RIPOR2: variants seen among roughly 807,000 people sequenced by gnomAD.
The protein encoded by RIPOR2 is rho family-interacting cell polarization regulator 2.
In RIPOR2, 39 loss-of-function variants were observed where a neutral mutation model predicts 114.5. The observed-to-expected ratio is 0.34, with a 90% confidence interval of 0.26 to 0.44. The LOEUF is 0.44. Among genes scored for constraint, RIPOR2 ranks in the 20% least tolerant of loss-of-function variants. RIPOR2 has a pLI of 1.00. For missense variants in RIPOR2, 1,007 were observed against 1,255.1 expected, an observed-to-expected ratio of 0.80 and a Z score of 2.99; for synonymous variants, 445 against 484.4, an observed-to-expected ratio of 0.92 and a Z score of 1.07.
chr6:24,975,190 C>A (rs897790705), intron 1 of RIPOR2, among the ~76,000 whole-genome samples: 1 of 152,176 alleles, frequency 6.6e-6, no homozygotes, highest in Non-Finnish European at 1.5e-5. Context: ...TGAATCTCTA[C>A]TTATCTTCAT....
At chr6:24,911,432 T>G (rs1769586353) in intron 1 of RIPOR2, among the ~76,000 whole-genome samples, 1 of 151,692 alleles carries the variant, frequency 6.6e-6, no homozygotes, top group African/African-American at 2.4e-5. Flanking sequence ...GGATCTTTCA[T>G]ACAAGCTGGG....
chr6:24,904,861 G>A (rs538578040), intron 1 of RIPOR2, among the ~76,000 whole-genome samples: 7 of 152,212 alleles, frequency 4.6e-5, no homozygotes, highest in African/African-American at 1.4e-4. Context: ...TGCAACCTCC[G>A]CCTCCCAGGT....
intron 1 of RIPOR2, among the ~76,000 whole-genome samples, chr6:24,934,702 A>G (rs1215186283): frequency 6.6e-6 from 1 of 152,218 alleles, no homozygotes; most frequent in Non-Finnish European, 1.5e-5. Context: ...GAGATTCTTG[A>G]GTCCAAATTT....
intron 15 of RIPOR2, 103 bp from the exon 16 acceptor site, chr6:24,832,494 C>T (rs1760766683): frequency 4.0e-6 from 4 of 1,005,226 alleles, no homozygotes; most frequent in African/African-American, 1.6e-5. Flanking sequence ...ACTAAATAAA[C>T]TCATGCGATG....
intron 1 of RIPOR2, among the ~76,000 whole-genome samples, chr6:25,010,651 T>C (rs1775740544): frequency 6.6e-6 from 1 of 152,236 alleles, no homozygotes; most frequent in Non-Finnish European, 1.5e-5. Context: ...CCAGGATTTA[T>C]ATGGGCTTTA....
chr6:24,916,468 TGA>T (rs1198023576), intron 1 of RIPOR2, among the ~76,000 whole-genome samples: 1 of 152,204 alleles, frequency 6.6e-6, no homozygotes, highest in African/African-American at 2.4e-5. Flanking sequence ...TCTATATTAA[TGA>T]GTGTAGAGGA....
chr6:25,030,639 T>G (rs1270859437), intron 1 of RIPOR2, among the ~76,000 whole-genome samples: 2 of 152,234 alleles, frequency 1.3e-5, no homozygotes, highest in East Asian at 3.8e-4. Context: ...TGATTCTGTT[T>G]ATGAGATATT....
chr6:25,009,011 C>G (rs140719487), intron 1 of RIPOR2, among the ~76,000 whole-genome samples: 136 of 152,358 alleles, frequency 8.9e-4, no homozygotes, highest in African/African-American at 2.8e-3. Flanking sequence ...CAGGATGGCT[C>G]TTGTCCATGC....
chr6:24,955,483 G>C (rs1772987716), intron 1 of RIPOR2, among the ~76,000 whole-genome samples: 1 of 132,180 alleles, frequency 7.6e-6, no homozygotes. Flanking sequence ...TTTTAAAAAA[G>C]ATCTCTAGTT....
chr6:24,970,010 G>C (rs1773706062), intron 1 of RIPOR2, among the ~76,000 whole-genome samples: 1 of 152,130 alleles, frequency 6.6e-6, no homozygotes, highest in Non-Finnish European at 1.5e-5. Flanking sequence ...AATGAGTCTG[G>C]GGATAGCTAA....
At chr6:24,979,283 CTTTTTTTTTTTTT>C (rs60372040) in intron 1 of RIPOR2, among the ~76,000 whole-genome samples, 2 of 99,462 alleles carry the variant, frequency 2.0e-5, no homozygotes, top group African/African-American at 8.1e-5. Flanking sequence ...TAGGGAAATT[CTTTTTTTTTTTTT>C]TTTTTTTTTG....
At chr6:25,039,321 C>T (rs1777375689) in intron 1 of RIPOR2, among the ~76,000 whole-genome samples, 1 of 152,218 alleles carries the variant, frequency 6.6e-6, no homozygotes, top group African/African-American at 2.4e-5. Context: ...CAAACATGCA[C>T]AGGTCTTTTG....
At chr6:24,862,730 T>A (rs1215622149) in intron 7 of RIPOR2, among the ~76,000 whole-genome samples, 1 of 152,118 alleles carries the variant, frequency 6.6e-6, no homozygotes, top group Non-Finnish European at 1.5e-5. Flanking sequence ...CCAGTATCTC[T>A]GAAAAACGTG....
chr6:24,999,345 A>G (rs1246302441), intron 1 of RIPOR2, among the ~76,000 whole-genome samples: 1 of 152,200 alleles, frequency 6.6e-6, no homozygotes, highest in Non-Finnish European at 1.5e-5. Context: ...TTGCTGGAAA[A>G]GTGGGCGGCA....
At chr6:25,031,144 C>T (rs2394360) in intron 1 of RIPOR2, 66,052 of 152,228 alleles carry the variant, frequency 0.43, 16,557 homozygotes, top group Non-Finnish European at 0.57. Context: ...GGTGGTCCCT[C>T]GCTCCCAGGA....
At chr6:24,847,676 A>G in intron 12 of RIPOR2, 2 of 1,551,210 alleles carry the variant, frequency 1.3e-6, no homozygotes, top group Non-Finnish European at 1.7e-6. Context: ...TTGTCTGGGG[A>G]AGGATGCAGC....
At chr6:24,959,087 A>T (rs1773185826) in intron 1 of RIPOR2, among the ~76,000 whole-genome samples, 1 of 151,630 alleles carries the variant, frequency 6.6e-6, no homozygotes. Context: ...AACTTCTGGG[A>T]TTACAGGCAT....
At chr6:25,008,528 G>A (rs1581945178) in intron 1 of RIPOR2, among the ~76,000 whole-genome samples, 1 of 152,242 alleles carries the variant, frequency 6.6e-6, no homozygotes, top group East Asian at 1.9e-4. Flanking sequence ...CAGCCTTTGA[G>A]TTAAGCCTTG....
intron 1 of RIPOR2, among the ~76,000 whole-genome samples, chr6:24,985,747 G>A (rs1489939434): frequency 6.6e-6 from 1 of 152,108 alleles, no homozygotes; most frequent in Non-Finnish European, 1.5e-5. Context: ...AAACACTTGG[G>A]CTGATGTACA....
Sources: allele counts gnomAD v4.1 joint callset (sites outside exome capture counted in the v4.1 genomes callset), GRCh38; gene constraint gnomAD v4.1.1; transcripts MANE v1.5; gene names NCBI Gene and HGNC (gene_info 2026-07-23, HGNC 2026-07-21).